The following XKR9 variants were observed in gnomAD, a reference collection of about 807,000 sequenced individuals.
XKR9 encodes XK-related protein 9.
Under a neutral mutation model 32.0 loss-of-function variants are expected in XKR9, and 32 were observed. The ratio of observed to expected loss-of-function variants is 1.00; its 90% confidence interval spans 0.76 to 1.34. The LOEUF (loss-of-function observed/expected upper bound fraction) is 1.34. Among genes scored for constraint, XKR9 ranks in the 40% most tolerant of loss-of-function variants. The pLI, the probability that XKR9 is intolerant of heterozygous loss-of-function variation, is 0.00. For synonymous variants in XKR9, 168 were observed against 143.4 expected, an observed-to-expected ratio of 1.17 and a Z score of -1.22; for missense variants, 546 against 429.7, an observed-to-expected ratio of 1.27 and a Z score of -2.39.
At chr8:70,870,004 A>G in the XKR9 span, among the ~76,000 whole-genome samples, 1 of 152,160 alleles carries the variant, frequency 6.6e-6, no homozygotes, top group Non-Finnish European at 1.5e-5. Flanking sequence ...TAGGAATGAG[A>G]TATATGATAT....
intron 3 of XKR9, among the ~76,000 whole-genome samples, chr8:70,696,857 A>C (rs200984820): frequency 1.8e-4 from 27 of 150,218 alleles, no homozygotes; most frequent in Admixed American, 5.3e-4. Flanking sequence ...CTTTTATTTC[A>C]TTGAGCAGTG....
chr8:70,833,622 A>G, the XKR9 span, among the ~76,000 whole-genome samples: 1 of 152,148 alleles, frequency 6.6e-6, no homozygotes. Context: ...GTGCATTAGA[A>G]CCATGTAGGG....
chr8:70,873,855 A>G, the XKR9 span, among the ~76,000 whole-genome samples: 8 of 152,346 alleles, frequency 5.3e-5, no homozygotes, highest in African/African-American at 1.9e-4. Flanking sequence ...ATTGCATGCT[A>G]CAGAGAAATC....
the XKR9 span, among the ~76,000 whole-genome samples, chr8:70,997,237 C>T: frequency 6.6e-6 from 1 of 151,864 alleles, no homozygotes; most frequent in African/African-American, 2.4e-5. Flanking sequence ...GCGGAGGTTG[C>T]AGTGAGCTGA....
chr8:70,996,244 G>A, the XKR9 span, among the ~76,000 whole-genome samples: 9,057 of 152,130 alleles, frequency 0.06, 378 homozygotes, highest in Non-Finnish European at 0.084. Flanking sequence ...TTTTGTTTTT[G>A]CTTTTCTTTT....
intron 2 of XKR9, among the ~76,000 whole-genome samples, chr8:70,676,904 A>G (rs1563415763): frequency 6.6e-6 from 1 of 152,150 alleles, no homozygotes; most frequent in Non-Finnish European, 1.5e-5. Context: ...TACTCTTGCC[A>G]GGTAAAGGAA....
At chr8:70,855,946 C>T in the XKR9 span, among the ~76,000 whole-genome samples, 3 of 152,074 alleles carry the variant, frequency 2.0e-5, no homozygotes, top group African/African-American at 7.2e-5. Context: ...TTGTCACCAC[C>T]AGGCCTGCCC....
intron 2 of XKR9, among the ~76,000 whole-genome samples, chr8:70,748,005 T>G (rs1807081560): frequency 6.6e-6 from 1 of 152,184 alleles, no homozygotes; most frequent in Admixed American, 6.5e-5. Context: ...TGATATTCTT[T>G]CACCAAGATA....
chr8:71,012,240 A>C, the XKR9 span, among the ~76,000 whole-genome samples: 1 of 152,276 alleles, frequency 6.6e-6, no homozygotes, highest in South Asian at 2.1e-4. Flanking sequence ...GTTAAAGAAA[A>C]AGACAGATAA....
At chr8:70,995,784 G>A in the XKR9 span, among the ~76,000 whole-genome samples, 3 of 152,044 alleles carry the variant, frequency 2.0e-5, no homozygotes, top group African/African-American at 7.3e-5. Flanking sequence ...CTGTGAATAT[G>A]CCTACTTCTA....
At chr8:71,025,879 C>T in the XKR9 span, among the ~76,000 whole-genome samples, 2 of 152,088 alleles carry the variant, frequency 1.3e-5, no homozygotes, top group South Asian at 4.2e-4. Context: ...TGTTGCCTTC[C>T]AACCCGGCCC....
At chr8:70,840,643 C>T in the XKR9 span, among the ~76,000 whole-genome samples, 158 of 152,228 alleles carry the variant, frequency 1.0e-3, 1 homozygote, top group Middle Eastern at 6.8e-3. Context: ...TTCAGCATCA[C>T]CCAAGAGAAA....
At chr8:70,829,115 T>C in the XKR9 span, among the ~76,000 whole-genome samples, 2 of 152,224 alleles carry the variant, frequency 1.3e-5, no homozygotes, top group African/African-American at 4.8e-5. Context: ...GTTTATCTTT[T>C]AAATAAAAAG....
At position 70,782,515 on chromosome 8, in the gene XKR9, C is replaced by T. The variant is rs575770627; in HGVS notation, n.353-6824C>T. 4.0e-5 allele frequency among the ~76,000 whole-genome samples: 6 copies of T among 151,696 alleles called. No homozygotes were observed. In the South Asian group the frequency reaches 1.0e-3, roughly 26 times the overall value. On this transcript the variant is annotated intron_variant and non_coding_transcript_variant, in intron 2 of 3. Coordinates refer to the XKR9 transcript ENST00000520273. Reference sequence around the variant, plus strand: ...AAAAATTCCTTCTGAGATTTTTTACCCTTTGACCATAATCTTATTCCTTCT... The same window carrying T: ...AAAAATTCCTTCTGAGATTTTTTACTCTTTGACCATAATCTTATTCCTTCT...
At chr8:70,671,151 C>A (rs573388283) in intron 1 of XKR9, among the ~76,000 whole-genome samples, 1 of 152,342 alleles carries the variant, frequency 6.6e-6, no homozygotes, top group African/African-American at 2.4e-5. Flanking sequence ...GGTGATCCTC[C>A]TGCTTTGGTC....
At chr8:71,038,327 T>C in the XKR9 span, among the ~76,000 whole-genome samples, 144 of 150,532 alleles carry the variant, frequency 9.6e-4, 1 homozygote, top group African/African-American at 3.4e-3. Flanking sequence ...CCTCTTTGTT[T>C]TTTTTTTTTT....
chr8:70,864,235 A>G, the XKR9 span, among the ~76,000 whole-genome samples: 1 of 152,166 alleles, frequency 6.6e-6, no homozygotes, highest in Non-Finnish European at 1.5e-5. Flanking sequence ...TTAGGATCAA[A>G]TAGCTTGGAG....
the XKR9 span, among the ~76,000 whole-genome samples, chr8:70,904,986 A>T: frequency 5.9e-5 from 9 of 152,326 alleles, no homozygotes; most frequent in East Asian, 1.7e-3. Flanking sequence ...CTGCTGAGAG[A>T]TCAGCTGTTA....
At chr8:70,825,514 G>A in the XKR9 span, among the ~76,000 whole-genome samples, 1 of 152,090 alleles carries the variant, frequency 6.6e-6, no homozygotes, top group South Asian at 2.1e-4. Flanking sequence ...ATCCTGACAA[G>A]TTACTGTATC....
Sources: allele counts gnomAD v4.1 joint callset (sites outside exome capture counted in the v4.1 genomes callset), GRCh38; gene constraint gnomAD v4.1.1; transcripts MANE v1.5; gene names NCBI Gene and HGNC (gene_info 2026-07-23, HGNC 2026-07-21).